The following ARHGEF38 variants were observed in gnomAD, a reference collection of about 807,000 sequenced individuals.
ARHGEF38 encodes Rho guanine nucleotide exchange factor 38.
ARHGEF38 carries 79 observed loss-of-function variants against 79.9 expected under a neutral mutation model. The observed-to-expected ratio is 0.99, with a 90% CI of 0.82 to 1.19. ARHGEF38 has a LOEUF of 1.19. Ranked by LOEUF, ARHGEF38 falls within the 50% of genes most tolerant of loss-of-function variation. ARHGEF38 has a pLI of 0.00. For missense variants in ARHGEF38, 962 were observed against 907.2 expected, an observed-to-expected ratio of 1.06 and a Z score of -0.78; for synonymous variants, 366 against 328.3, an observed-to-expected ratio of 1.11 and a Z score of -1.24.
intron 10 of ARHGEF38, among the ~76,000 whole-genome samples, chr4:105,662,852 C>G (rs1432888317): frequency 6.6e-6 from 1 of 152,080 alleles, no homozygotes; most frequent in African/African-American, 2.4e-5. Flanking sequence ...TTTTTAAAGG[C>G]ATTTTCAGTT....
intron 5 of ARHGEF38, among the ~76,000 whole-genome samples, chr4:105,640,354 A>G (rs1729569170): frequency 6.6e-6 from 1 of 152,158 alleles, no homozygotes; most frequent in African/African-American, 2.4e-5. Flanking sequence ...CACTTCATCT[A>G]CTTTCTCTGC....
intron 1 of ARHGEF38, among the ~76,000 whole-genome samples, chr4:105,576,974 C>T (rs1459058398): frequency 1.3e-5 from 2 of 152,074 alleles, no homozygotes; most frequent in Admixed American, 6.6e-5. Flanking sequence ...CACACTTGAC[C>T]ATGGTGTATT....
At chr4:105,590,098 G>T (rs1176028869) in intron 2 of ARHGEF38, among the ~76,000 whole-genome samples, 1 of 127,464 alleles carries the variant, frequency 7.8e-6, no homozygotes. Context: ...AAGGAAGGAA[G>T]GAAGGAAGGA....
At chr4:105,631,645 A>G in intron 4 of ARHGEF38, 4 of 984,856 alleles carry the variant, frequency 4.1e-6, no homozygotes, top group Non-Finnish European at 4.8e-6. Flanking sequence ...AAAATATAAC[A>G]AAGTATGTGT....
At chr4:105,588,811 A>G (rs1243355791) in intron 1 of ARHGEF38, among the ~76,000 whole-genome samples, 1 of 152,242 alleles carries the variant, frequency 6.6e-6, no homozygotes, top group East Asian at 1.9e-4. Flanking sequence ...ACCCACTGAG[A>G]ATGAGAGGTA....
intron 10 of ARHGEF38, among the ~76,000 whole-genome samples, chr4:105,660,504 A>G (rs145959718): frequency 2.0e-5 from 3 of 151,464 alleles, no homozygotes; most frequent in African/African-American, 7.3e-5. Context: ...CAAAGGCCCA[A>G]TCTCGGCTCA....
At position 105,659,268 on chromosome 4, in the gene ARHGEF38, C is replaced by G; in HGVS notation, c.1448C>G (p.Ala483Gly). Residue 483 changes from alanine (A) to glycine (G), a missense_variant, in exon 10 of 14, where the codon GCT becomes GGT. Physicochemically the swap from Ala to Gly is moderately conservative, Grantham distance 60 (BLOSUM62 0). Coordinates refer to ENST00000420470, the MANE Select transcript of ARHGEF38 (RefSeq NM_001242729.2). ...GAGGAGCTCCAGGCATTCAACCAGG[C>G]TGCTCGGAAGATTCTGTTGAACTGT... ...LVEELQAFNQAARKILLNCLC... is the reference protein window; with the variant it reads ...LVEELQAFNQGARKILLNCLC... 1 of 1,536,154 alleles carries G rather than the reference C, an allele frequency of 6.5e-7. No homozygotes were observed. The highest frequency in any genetic ancestry group is 1.2e-5 in the South Asian group (1 of 84,062).
intron 7 of ARHGEF38, among the ~76,000 whole-genome samples, chr4:105,651,064 T>C (rs1446170264): frequency 6.6e-6 from 1 of 152,244 alleles, no homozygotes; most frequent in Non-Finnish European, 1.5e-5. Context: ...GACAATTCTA[T>C]TGAGGAATAG....
intron 4 of ARHGEF38, 90 bp from the exon 5 acceptor site, chr4:105,636,313 A>T (rs972019140): frequency 3.7e-5 from 8 of 214,904 alleles, no homozygotes; most frequent in Non-Finnish European, 6.8e-5. Flanking sequence ...TTTATTTTAC[A>T]TAAGAAAATT....
At chr4:105,667,869 G>C (rs746113701) in intron 13 of ARHGEF38, among the ~76,000 whole-genome samples, 166 bp downstream of exon 13, 2 of 152,198 alleles carry the variant, frequency 1.3e-5, no homozygotes, top group Non-Finnish European at 2.9e-5. Context: ...TTAATTCCCT[G>C]AGCCTGTTTC....
At position 105,639,753 on chromosome 4, in the gene ARHGEF38, C is replaced by T. The variant is rs1467394972; in HGVS notation, c.674+3333C>T. 3.9e-5 allele frequency among the ~76,000 whole-genome samples: 6 copies of T among 151,930 alleles called. No individual in the cohort carries two copies. In the South Asian group the frequency reaches 1.2e-3, roughly 32 times the overall value. On this transcript the variant is annotated intron_variant, in intron 5 of 13. Coordinates refer to ENST00000420470, the MANE Select transcript of ARHGEF38 (RefSeq NM_001242729.2). The stretch of plus-strand genomic sequence containing the variant: ...CATTTGTCCATAAATGTATCAATAC[C>T]AAACTGCTTTTATTTTTGTAGCTTT...
chr4:105,597,979 C>T (rs1203645510), intron 2 of ARHGEF38, among the ~76,000 whole-genome samples: 1 of 151,898 alleles, frequency 6.6e-6, no homozygotes, highest in Admixed American at 6.6e-5. Flanking sequence ...TTCCTCTGAT[C>T]CTTTACCTTG....
At chr4:105,618,108 T>G (rs966864494) in intron 3 of ARHGEF38, among the ~76,000 whole-genome samples, 2 of 152,198 alleles carry the variant, frequency 1.3e-5, no homozygotes, top group Admixed American at 6.5e-5. Flanking sequence ...TGTTTTAATA[T>G]GTATAGTAAT....
At chr4:105,638,342 T>C (rs182709537) in intron 5 of ARHGEF38, among the ~76,000 whole-genome samples, 28 of 152,216 alleles carry the variant, frequency 1.8e-4, no homozygotes. Flanking sequence ...ACAGCAATCA[T>C]AGAACTTCCC....
At chr4:105,676,887 T>A (rs1055096267) in intron 13 of ARHGEF38, among the ~76,000 whole-genome samples, 1 of 152,108 alleles carries the variant, frequency 6.6e-6, no homozygotes, top group African/African-American at 2.4e-5. Context: ...ATGTTCTTTT[T>A]AAGGTTTACT....
chr4:105,580,687 A>T (rs550701600), intron 1 of ARHGEF38, among the ~76,000 whole-genome samples: 45 of 152,176 alleles, frequency 3.0e-4, no homozygotes, highest in Non-Finnish European at 5.9e-4. Context: ...AGAAGAATGT[A>T]TATTCTGGTT....
chr4:105,616,614 C>G (rs1049441448), intron 3 of ARHGEF38, among the ~76,000 whole-genome samples: 1 of 152,104 alleles, frequency 6.6e-6, no homozygotes, highest in African/African-American at 2.4e-5. Flanking sequence ...GATTACAATT[C>G]AAGATGAGAC....
rs555950432 is a variant in ARHGEF38, at chr4:105,610,551, A to G, written c.385-2833A>G. 2.0e-4 allele frequency among the ~76,000 whole-genome samples: 30 copies of G among 152,204 alleles called. No homozygotes were observed. In the East Asian group the frequency reaches 5.8e-3, roughly 29 times the overall value. ...TAAATACATGCTTCCTTGAATTTAT[A>G]TCAGTAATCATAAAATCATCTATCA... is the stretch of plus-strand genomic sequence containing the variant. On this transcript the variant is annotated intron_variant, in intron 2 of 13. Coordinates refer to ENST00000420470, the MANE Select transcript of ARHGEF38 (RefSeq NM_001242729.2).
At chr4:105,565,112 T>C (rs1240072385) in intron 1 of ARHGEF38, among the ~76,000 whole-genome samples, 1 of 152,220 alleles carries the variant, frequency 6.6e-6, no homozygotes, top group Non-Finnish European at 1.5e-5. Context: ...TAATTCCTTT[T>C]TGAAATCCAC....
Sources: gnomAD v4.1 joint callset for allele counts (sites outside exome capture counted in the v4.1 genomes callset) on GRCh38, gnomAD v4.1.1 for gene constraint, MANE v1.5 for transcripts, NCBI Gene and HGNC (gene_info 2026-07-23, HGNC 2026-07-21) for gene names.